CEP128: variants seen among roughly 807,000 people sequenced by gnomAD.
CEP128 encodes the protein centrosomal protein 128kDa.
A neutral mutation model predicts 156.7 loss-of-function variants in CEP128; 132 were observed. That is an observed-to-expected ratio of 0.84 (90% CI 0.73 to 0.97). The LOEUF (loss-of-function observed/expected upper bound fraction) is 0.97, where lower values mean the gene tolerates loss of function less well. CEP128 is among the 50% of genes least tolerant of loss of function. The pLI is 0.00. For missense variants in CEP128, 1,252 were observed against 1,281.9 expected, an observed-to-expected ratio of 0.98 and a Z score of 0.36; for synonymous variants, 469 against 448.9, an observed-to-expected ratio of 1.04 and a Z score of -0.57.
At chr14:80,776,914 T>C (rs190240281) in intron 16 of CEP128, among the ~76,000 whole-genome samples, 181 of 152,326 alleles carry the variant, frequency 1.2e-3, no homozygotes, top group Non-Finnish European at 1.6e-3. Flanking sequence ...AGTAGTGACT[T>C]CTAAAAATAT....
intron 19 of CEP128, among the ~76,000 whole-genome samples, chr14:80,719,200 T>C (rs566539944): frequency 6.6e-6 from 1 of 152,342 alleles, no homozygotes; most frequent in Non-Finnish European, 1.5e-5. Context: ...TTACTGCCCC[T>C]TTCCTTGGAA....
At chr14:80,663,374 C>T (rs1895477914) in intron 19 of CEP128, among the ~76,000 whole-genome samples, 1 of 152,106 alleles carries the variant, frequency 6.6e-6, no homozygotes, top group South Asian at 2.1e-4. Context: ...TGATCCACCT[C>T]CAGGGAGAAG....
chr14:80,655,301 G>A (rs974318512), intron 19 of CEP128, among the ~76,000 whole-genome samples: 1 of 152,092 alleles, frequency 6.6e-6, no homozygotes, highest in Admixed American at 6.6e-5. Flanking sequence ...TGCTGCCAGA[G>A]TGACCTTACT....
At chr14:80,805,402 G>A (rs1339246462) in intron 13 of CEP128, among the ~76,000 whole-genome samples, 1 of 152,052 alleles carries the variant, frequency 6.6e-6, no homozygotes, top group Non-Finnish European at 1.5e-5. Context: ...GGCCTTTGCA[G>A]CAGCAGCTTC....
intron 8 of CEP128, among the ~76,000 whole-genome samples, chr14:80,877,196 C>T (rs550329552): frequency 6.6e-5 from 10 of 151,446 alleles, no homozygotes; most frequent in Admixed American, 4.6e-4. Flanking sequence ...AGCTAATAGA[C>T]GTGGAATACA....
intron 1 of CEP128, among the ~76,000 whole-genome samples, chr14:80,959,082 C>G (rs1467045382): frequency 1.3e-5 from 2 of 152,114 alleles, no homozygotes; most frequent in South Asian, 2.1e-4. Flanking sequence ...TATCCCAGCC[C>G]CGTGGTCTTA....
chr14:80,751,866 G>A (rs186567835), intron 18 of CEP128, among the ~76,000 whole-genome samples: 1 of 152,240 alleles, frequency 6.6e-6, no homozygotes, highest in East Asian at 1.9e-4. Flanking sequence ...CCCAACCTCA[G>A]ATGAACTATC....
chr14:80,785,340 T>C lies in CEP128; in HGVS notation c.1766A>G (p.His589Arg), dbSNP rs1404381577. The part of the protein sequence containing the change: ...LEVKNSLDTI[H>R]RLESELKKQS... The stretch of plus-strand genomic sequence containing the variant: ...CTTTTTCAATTCGCTCTCCAGTCTA[T>C]GGATGGTATCCAGGGAATTCTTAAC... Residue 589 changes from histidine (H) to arginine (R), a missense_variant, in exon 15 of 25, where the codon CAT (histidine) becomes CGT (arginine). Transcript: ENST00000555265. 4.3e-6 allele frequency: 7 copies of C among 1,614,078 alleles called. No homozygotes were observed. The highest frequency in any genetic ancestry group is 2.7e-5 in the African/African-American group (2 of 74,950).
At chr14:80,760,544 G>GA (rs1345304178) in intron 17 of CEP128, among the ~76,000 whole-genome samples, 1 of 151,962 alleles carries the variant, frequency 6.6e-6, no homozygotes, top group Non-Finnish European at 1.5e-5. Context: ...AGAAACTGCT[G>GA]AAAAATAAAA....
chr14:80,807,526 C>T (rs1884249012), intron 13 of CEP128, among the ~76,000 whole-genome samples: 2 of 152,114 alleles, frequency 1.3e-5, no homozygotes, highest in Non-Finnish European at 2.9e-5. Context: ...AAGTAAGAGA[C>T]CAGCTCAACT....
intron 8 of CEP128, among the ~76,000 whole-genome samples, chr14:80,888,753 C>T (rs113239166): frequency 0.084 from 12,734 of 152,178 alleles, 599 homozygotes; most frequent in African/African-American, 0.12. Flanking sequence ...CACTCCTATT[C>T]AACATAGTAT....
At chr14:80,594,468 A>C (rs1892226368) in intron 19 of CEP128, among the ~76,000 whole-genome samples, 2 of 152,234 alleles carry the variant, frequency 1.3e-5, no homozygotes, top group African/African-American at 4.8e-5. Context: ...CAAAATTGAT[A>C]AATGGGATCT....
intron 15 of CEP128, among the ~76,000 whole-genome samples, chr14:80,780,359 T>C (rs1331348905): frequency 6.6e-6 from 1 of 152,136 alleles, no homozygotes; most frequent in African/African-American, 2.4e-5. Flanking sequence ...GTAAAAAGTA[T>C]GGATATATTA....
chr14:80,696,646 GA>G (rs1409043538), intron 19 of CEP128, among the ~76,000 whole-genome samples: 1 of 152,168 alleles, frequency 6.6e-6, no homozygotes, highest in Non-Finnish European at 1.5e-5. Flanking sequence ...CAAGTGGACT[GA>G]AAAGTGACCT....
intron 15 of CEP128, among the ~76,000 whole-genome samples, chr14:80,781,229 G>T (rs908615341): frequency 1.1e-4 from 16 of 152,174 alleles, no homozygotes; most frequent in Middle Eastern, 3.4e-3. Context: ...AGGCCAAGGT[G>T]GGGGGGATCA....
At chr14:80,851,456 A>G (rs1326964303) in intron 9 of CEP128, among the ~76,000 whole-genome samples, 1 of 152,162 alleles carries the variant, frequency 6.6e-6, no homozygotes, top group Non-Finnish European at 1.5e-5. Flanking sequence ...CCAGTAAGAC[A>G]CTGAGAAGAA....
intron 19 of CEP128, among the ~76,000 whole-genome samples, chr14:80,691,555 GCTT>G (rs1311910235): frequency 6.6e-6 from 1 of 152,060 alleles, no homozygotes; most frequent in Non-Finnish European, 1.5e-5. Context: ...AAGAAAACTG[GCTT>G]CTTCTCTCAC....
chr14:80,740,174 C>A (rs759921935), intron 19 of CEP128, among the ~76,000 whole-genome samples: 7 of 151,922 alleles, frequency 4.6e-5, no homozygotes, highest in Non-Finnish European at 7.4e-5. Flanking sequence ...CATTACTTCC[C>A]TCATTCATTC....
chr14:80,561,901 T>TATATAC (rs1199152335), intron 20 of CEP128, among the ~76,000 whole-genome samples: 4 of 149,800 alleles, frequency 2.7e-5, no homozygotes, highest in African/African-American at 7.4e-5. Context: ...AAGGTCTATA[T>TATATAC]ATATATATAT....
Sources: gnomAD v4.1 joint callset for allele counts (sites outside exome capture counted in the v4.1 genomes callset) on GRCh38, gnomAD v4.1.1 for gene constraint, MANE v1.5 for transcripts, NCBI Gene and HGNC (gene_info 2026-07-23, HGNC 2026-07-21) for gene names.